The following ACSS3 variants were observed in gnomAD, a reference collection of about 807,000 sequenced individuals.
The protein encoded by ACSS3 is acyl-CoA synthetase short-chain family member 3, mitochondrial.
A neutral mutation model predicts 84.2 loss-of-function variants in ACSS3; 64 were observed. That is an observed-to-expected ratio of 0.76 (90% CI 0.62 to 0.94). ACSS3 has a LOEUF of 0.94. ACSS3 is among the 40% of genes least tolerant of loss of function. ACSS3 has a pLI of 0.00. For synonymous variants in ACSS3, 317 were observed against 310.1 expected, an observed-to-expected ratio of 1.02 and a Z score of -0.23; for missense variants, 815 against 867.6, an observed-to-expected ratio of 0.94 and a Z score of 0.76.
chr12:81,121,915 ATATTATTATTATTATTATTAT>A (rs10527532), intron 2 of ACSS3, among the ~76,000 whole-genome samples: 1 of 146,112 alleles, frequency 6.8e-6, no homozygotes, highest in Non-Finnish European at 1.5e-5. Context: ...AGAGTATGCT[ATATTATTATTATTATTATTAT>A]TATTATTATT....
chr12:81,106,348 C>T lies in ACSS3; in HGVS notation c.312-3212C>T, dbSNP rs372724030. Among the ~76,000 whole-genome samples, 71 of 152,268 alleles carry T rather than the reference C, an allele frequency of 4.7e-4. No homozygotes were observed. In the East Asian group the frequency reaches 8.9e-3, roughly 19 times the overall value. On this transcript the variant is annotated intron_variant, in intron 1 of 15. Transcript: ENST00000548058. The stretch of plus-strand genomic sequence containing the variant: ...GAGAATCTAATGCCTGATGATTTGT[C>T]GCTGTCTTCCATCACCCCAAGATGG...
At chr12:81,239,658 GAAC>G (rs1329748747) in intron 13 of ACSS3, among the ~76,000 whole-genome samples, 1 of 151,660 alleles carries the variant, frequency 6.6e-6, no homozygotes, top group African/African-American at 2.4e-5. Context: ...ACTATCATGA[GAAC>G]AACACAGAAA....
intron 2 of ACSS3, among the ~76,000 whole-genome samples, chr12:81,113,307 C>T (rs1883757191): frequency 6.6e-6 from 1 of 151,996 alleles, no homozygotes; most frequent in Non-Finnish European, 1.5e-5. Context: ...AATTGCCTAC[C>T]CTCCGCTAGA....
intron 7 of ACSS3, 137 bp from the exon 8 acceptor site, chr12:81,174,651 C>G (rs1387233700): frequency 1.1e-6 from 1 of 937,320 alleles, no homozygotes; most frequent in African/African-American, 1.7e-5. Flanking sequence ...TGTGATAGAA[C>G]ATGGAAATAT....
intron 8 of ACSS3, among the ~76,000 whole-genome samples, chr12:81,189,666 A>ACCAACACAG (rs1326575821): frequency 1.2e-4 from 18 of 152,166 alleles, no homozygotes; most frequent in Admixed American, 1.2e-3. Context: ...TTTTCCTTTT[A>ACCAACACAG]CCATCACAGT....
At chr12:81,217,399 A>G (rs2032959984) in intron 10 of ACSS3, among the ~76,000 whole-genome samples, 1 of 152,150 alleles carries the variant, frequency 6.6e-6, no homozygotes, top group South Asian at 2.1e-4. Context: ...TCTTGAGATA[A>G]CACTGCTGGT....
chr12:81,203,854 A>G (rs2032220591), intron 9 of ACSS3, among the ~76,000 whole-genome samples: 1 of 152,224 alleles, frequency 6.6e-6, no homozygotes, highest in Non-Finnish European at 1.5e-5. Flanking sequence ...GATTAAAAAC[A>G]TCTGGATTAT....
At position 81,199,375 on chromosome 12, in the gene ACSS3, G is replaced by A; in HGVS notation, c.1285G>A (p.Asp429Asn). 1.2e-6 allele frequency: 2 copies of A among 1,613,640 alleles called. No homozygotes were observed. The highest frequency in any genetic ancestry group is 1.7e-6 in the Non-Finnish European group (2 of 1,179,738). Residue 429 changes from aspartate to asparagine, a missense_variant, in exon 9 of 16, where the codon GAT (aspartate) becomes AAT (asparagine). Coordinates refer to ENST00000548058, the MANE Select transcript of ACSS3 (RefSeq NM_024560.4). ...ATTATTTGTGGCTGGAGAACGATGT[G>A]ATGTAGAGACCCTGGAATGGTCCAA... ...KTLFVAGERCDVETLEWSKNV... is the reference protein window; with the variant it reads ...KTLFVAGERCNVETLEWSKNV...
chr12:81,188,398 A>G (rs1015858291), intron 8 of ACSS3, among the ~76,000 whole-genome samples: 3 of 152,082 alleles, frequency 2.0e-5, no homozygotes, highest in Non-Finnish European at 4.4e-5. Flanking sequence ...AAGAACATAA[A>G]TCAGAATTTT....
At chr12:81,126,374 C>T (rs1320811688) in intron 2 of ACSS3, among the ~76,000 whole-genome samples, 1 of 152,174 alleles carries the variant, frequency 6.6e-6, no homozygotes, top group Non-Finnish European at 1.5e-5. Flanking sequence ...CTTTTTATTG[C>T]ATGCACCCTA....
intron 1 of ACSS3, among the ~76,000 whole-genome samples, chr12:81,102,081 A>G (rs1318143061): frequency 6.6e-6 from 1 of 151,966 alleles, no homozygotes; most frequent in Non-Finnish European, 1.5e-5. Context: ...ATTCTAGCAC[A>G]TACATATATA....
chr12:81,100,216 GTT>G (rs34512313), intron 1 of ACSS3, among the ~76,000 whole-genome samples: 1,543 of 106,558 alleles, frequency 0.014, 12 homozygotes, highest in African/African-American at 0.022. Context: ...AAAATTACCA[GTT>G]TTTTTTTTTT....
chr12:81,180,273 G>A (rs1050602144), intron 8 of ACSS3, among the ~76,000 whole-genome samples: 7 of 152,118 alleles, frequency 4.6e-5, no homozygotes, highest in Admixed American at 6.6e-5. Context: ...TACTATGCTC[G>A]TTACCTGGAT....
intron 3 of ACSS3, 113 bp from the exon 4 acceptor site, chr12:81,139,018 A>G: frequency 8.7e-7 from 1 of 1,152,642 alleles, no homozygotes; most frequent in Non-Finnish European, 1.2e-6. Context: ...AGAAAACAGA[A>G]ACATTCAGAC....
intron 13 of ACSS3, among the ~76,000 whole-genome samples, chr12:81,241,567 T>A (rs1366216830): frequency 6.6e-6 from 1 of 152,244 alleles, no homozygotes; most frequent in Non-Finnish European, 1.5e-5. Context: ...GGTTTTGATT[T>A]GCATTTCTCT....
At chr12:81,192,896 T>A (rs1262510379) in intron 8 of ACSS3, among the ~76,000 whole-genome samples, 1 of 152,204 alleles carries the variant, frequency 6.6e-6, no homozygotes, top group Non-Finnish European at 1.5e-5. Flanking sequence ...CTTTGAGTTC[T>A]CTGATGTATT....
At chr12:81,139,655 G>A (rs139396505) in intron 4 of ACSS3, among the ~76,000 whole-genome samples, 4,806 of 130,910 alleles carry the variant, frequency 0.037, 181 homozygotes, top group African/African-American at 0.093. Context: ...ATTTTTTTTT[G>A]AGACAGAGTC....
intron 13 of ACSS3, among the ~76,000 whole-genome samples, chr12:81,246,173 C>T (rs2033979654): frequency 6.6e-6 from 1 of 152,124 alleles, no homozygotes. Context: ...CCCAGGGCTC[C>T]CTCCTGTAGG....
chr12:81,088,331 A>G (rs1385219806), intron 1 of ACSS3, among the ~76,000 whole-genome samples: 1 of 152,112 alleles, frequency 6.6e-6, no homozygotes, highest in African/African-American at 2.4e-5. Context: ...TCGTTACCGT[A>G]TGGCATAATC....
Sources: allele counts gnomAD v4.1 joint callset (sites outside exome capture counted in the v4.1 genomes callset), GRCh38; gene constraint gnomAD v4.1.1; transcripts MANE v1.5; gene names NCBI Gene and HGNC (gene_info 2026-07-23, HGNC 2026-07-21).